IMPG2: variants seen among roughly 807,000 people sequenced by gnomAD.
The protein encoded by IMPG2 is IPM 200.
Under a neutral mutation model 129.2 loss-of-function variants are expected in IMPG2, and 91 were observed. The ratio of observed to expected loss-of-function variants is 0.70; its 90% confidence interval spans 0.59 to 0.84. The LOEUF is 0.84. Among genes scored for constraint, IMPG2 ranks in the 40% least tolerant of loss-of-function variants. The probability of loss-of-function intolerance (pLI) is 0.00; values close to 1 mark genes in which losing one functional copy is unlikely to be tolerated. For synonymous variants in IMPG2, 510 were observed against 517.7 expected (o/e 0.99, Z 0.20); for missense variants, 1,430 against 1,461.7 (o/e 0.98, Z 0.35).
intron 15 of IMPG2, among the ~76,000 whole-genome samples, chr3:101,231,831 T>C (rs1394152904): frequency 1.3e-5 from 2 of 152,330 alleles, no homozygotes; most frequent in African/African-American, 2.4e-5. Context: ...GGTTGGAAAG[T>C]TGATTTGTTT....
Position 101,320,451 on chromosome 3 carries a change from A to C in IMPG2, c.-79T>G, listed in dbSNP as rs937296538. The C allele has an allele frequency of 9.3e-6, 8 of 860,562 alleles. No homozygotes were observed. Among genetic ancestry groups the C allele is most frequent in the African/African-American group, 3.3e-5 (2 of 59,822 alleles). 53.3% of individuals were successfully genotyped at this position (860,562 alleles called of 1,614,324 possible). On this transcript the variant is annotated 5_prime_UTR_variant, in exon 1 of 19. Transcript: ENST00000193391. The stretch of plus-strand genomic sequence containing the variant: ...AAATCCTTGAAACTTCCAATAACAA[A>C]GAGTTATAGGAAAGACCTAACATTT...
chr3:101,292,513 C>G (rs552638555), intron 3 of IMPG2, among the ~76,000 whole-genome samples: 1 of 152,248 alleles, frequency 6.6e-6, no homozygotes, highest in South Asian at 2.1e-4. Context: ...GCAAACAATC[C>G]TCTGAGCTTT....
At chr3:101,289,098 T>C (rs1706977419) in intron 4 of IMPG2, among the ~76,000 whole-genome samples, 1 of 152,210 alleles carries the variant, frequency 6.6e-6, no homozygotes, top group African/African-American at 2.4e-5. Context: ...ACTTTTTTTA[T>C]TCATTCATCA....
At chr3:101,281,396 C>T (rs1259507857) in intron 4 of IMPG2, among the ~76,000 whole-genome samples, 2 of 152,106 alleles carry the variant, frequency 1.3e-5, no homozygotes, top group Non-Finnish European at 2.9e-5. Context: ...GAAACAATGA[C>T]AGGCAGAGGT....
At chr3:101,239,129 A>G (rs747581823) in intron 14 of IMPG2, among the ~76,000 whole-genome samples, 75 of 152,234 alleles carry the variant, frequency 4.9e-4, no homozygotes, top group Non-Finnish European at 1.0e-3. Flanking sequence ...AAAAGAAACT[A>G]TCATCAGAGT....
chr3:101,295,965 A>G lies in IMPG2; in HGVS notation c.502-4455T>C, dbSNP rs6795771. 7.9e-3 allele frequency among the ~76,000 whole-genome samples: 1,200 copies of G among 152,330 alleles called. 19 individuals carry two copies. The highest frequency in any genetic ancestry group is 0.027 in the African/African-American group (1,121 of 41,584). On this transcript the variant is annotated intron_variant, in intron 3 of 18. Transcript: ENST00000193391. ...ATCAGCTTAAGGAGTTCTGGGGCTGAGACAATGGGGTTTTCTAAACATAGA... is the reference window on the plus strand; with the variant it reads ...ATCAGCTTAAGGAGTTCTGGGGCTGGGACAATGGGGTTTTCTAAACATAGA...
chr3:101,255,175 T>C (rs1706585347), intron 10 of IMPG2, among the ~76,000 whole-genome samples: 1 of 152,120 alleles, frequency 6.6e-6, no homozygotes. Flanking sequence ...AGGAGGATCA[T>C]ATCTTTTGAG....
chr3:101,299,177 G>A (rs768589054), intron 3 of IMPG2, among the ~76,000 whole-genome samples: 1 of 152,000 alleles, frequency 6.6e-6, no homozygotes, highest in African/African-American at 2.4e-5. Flanking sequence ...CCACTTGGTC[G>A]ATTCAGCTAC....
In IMPG2 at chr3:101,245,993, G is replaced by GACC; in HGVS notation, c.1349_1351dup (p.Trp450dup). On this transcript the variant is annotated inframe_insertion, in exon 12 of 19. Transcript: ENST00000193391. ...CACTAAATCACCCAAAGGACTTTCT[G>GACC]ACCAGAGTTCCCTGCCAGTGGCTGA... The GACC allele has an allele frequency of 6.2e-7, 1 of 1,614,130 alleles. No homozygotes were observed. The highest frequency in any genetic ancestry group is 8.5e-7 in the Non-Finnish European group (1 of 1,180,000).
chr3:101,317,128 A>G (rs2058789306), intron 2 of IMPG2, among the ~76,000 whole-genome samples: 1 of 152,066 alleles, frequency 6.6e-6, no homozygotes, highest in Non-Finnish European at 1.5e-5. Context: ...AGAAATGTTT[A>G]AGAGTGATTG....
intron 8 of IMPG2, 82 bp downstream of exon 8, chr3:101,269,433 T>A (rs986055309): frequency 1.1e-5 from 9 of 813,864 alleles, no homozygotes; most frequent in Middle Eastern, 2.3e-4. Flanking sequence ...ATTGTTAGAA[T>A]ATGTGTGATA....
chr3:101,289,026 C>A (rs1296358606), intron 4 of IMPG2, among the ~76,000 whole-genome samples: 1 of 152,168 alleles, frequency 6.6e-6, no homozygotes, highest in African/African-American at 2.4e-5. Flanking sequence ...TACAACAAAT[C>A]CTAAAACACA....
At chr3:101,273,809 T>C in intron 6 of IMPG2, 67 bp from the exon 7 acceptor site, 1 of 1,457,236 alleles carries the variant, frequency 6.9e-7, no homozygotes, top group Non-Finnish European at 9.6e-7. Flanking sequence ...CATTTATTGA[T>C]TGTTTCAATG....
intron 9 of IMPG2, among the ~76,000 whole-genome samples, chr3:101,261,200 C>A (rs1314590149): frequency 4.6e-5 from 7 of 152,194 alleles, no homozygotes; most frequent in African/African-American, 1.4e-4. Flanking sequence ...AGGTGAGTTT[C>A]TTTTTCGGAT....
chr3:101,239,105 A>G (rs1706379019), intron 14 of IMPG2, among the ~76,000 whole-genome samples: 1 of 152,246 alleles, frequency 6.6e-6, no homozygotes. Context: ...TAAACTAAAG[A>G]GCTTCTGCAC....
intron 2 of IMPG2, among the ~76,000 whole-genome samples, chr3:101,314,306 C>T (rs1025611162): frequency 4.6e-5 from 7 of 152,060 alleles, no homozygotes; most frequent in African/African-American, 1.7e-4. Context: ...ATGGGACATA[C>T]GTACACTAAA....
chr3:101,254,855 T>C (rs1706581757), intron 10 of IMPG2, among the ~76,000 whole-genome samples: 1 of 152,068 alleles, frequency 6.6e-6, no homozygotes, highest in Non-Finnish European at 1.5e-5. Context: ...GTTCTCATGA[T>C]AGTAAGTGAG....
At chr3:101,300,008 T>G (rs1707122769) in intron 3 of IMPG2, among the ~76,000 whole-genome samples, 1 of 152,168 alleles carries the variant, frequency 6.6e-6, no homozygotes, top group African/African-American at 2.4e-5. Context: ...GAGGGAAGAC[T>G]AAATCTACCC....
At chr3:101,315,653 A>C (rs2058780923) in intron 2 of IMPG2, among the ~76,000 whole-genome samples, 1 of 152,140 alleles carries the variant, frequency 6.6e-6, no homozygotes, top group Admixed American at 6.6e-5. Context: ...AACCCACAAC[A>C]CTTCTGGTCC....
Sources: allele counts gnomAD v4.1 joint callset (sites outside exome capture counted in the v4.1 genomes callset), GRCh38; gene constraint gnomAD v4.1.1; transcripts MANE v1.5; gene names NCBI Gene and HGNC (gene_info 2026-07-23, HGNC 2026-07-21).